Variants in PCDHA9 observed in about 807,000 individuals in gnomAD.
PCDHA9 encodes protocadherin alpha-9.
PCDHA9 carries 62 observed loss-of-function variants against 62.0 expected under a neutral mutation model. The ratio of observed to expected loss-of-function variants is 1.00; its 90% CI spans 0.81 to 1.23. PCDHA9 has a LOEUF of 1.23. PCDHA9 is among the 50% of genes most tolerant of loss of function. The pLI is 0.00. For missense variants in PCDHA9, 1,205 were observed against 1,249.8 expected, an observed-to-expected ratio of 0.96 and a Z score of 0.54; for synonymous variants, 557 against 567.6, an observed-to-expected ratio of 0.98 and a Z score of 0.27.
intron 1 of PCDHA9, among the ~76,000 whole-genome samples, chr5:140,922,269 T>C (rs782114145): frequency 1.3e-5 from 2 of 152,214 alleles, no homozygotes; most frequent in Non-Finnish European, 2.9e-5. Context: ...GCCATGAAGA[T>C]TGGACCAAGA....
chr5:140,944,744 A>G (rs1408016136), intron 1 of PCDHA9, among the ~76,000 whole-genome samples: 2 of 152,204 alleles, frequency 1.3e-5, no homozygotes, highest in East Asian at 3.8e-4. Context: ...CTGAGCATTT[A>G]CATGGAAAAA....
In PCDHA9 at chr5:140,862,417, T is replaced by G. The variant is rs77196804; in HGVS notation, c.2394+11528T>G. ...GCTGGTGTCTACCTTCAAAAGGCGCTGCCCAGAAACTATTCGTTGGTACTC... is the reference window on the plus strand; with the variant it reads ...GCTGGTGTCTACCTTCAAAAGGCGCGGCCCAGAAACTATTCGTTGGTACTC... On this transcript the variant is annotated intron_variant, in intron 1 of 3. Coordinates refer to ENST00000532602, the MANE Select transcript of PCDHA9 (RefSeq NM_031857.2). 1.4e-3 allele frequency: 485 copies of G among 351,378 alleles called. 3 individuals are homozygous for G. Among genetic ancestry groups the G allele is most frequent in the African/African-American group, 9.6e-3 (451 of 46,736 alleles). 21.8% of individuals were successfully genotyped at this position (351,378 alleles called of 1,614,324 possible).
chr5:140,946,156 T>G (rs138161459), intron 1 of PCDHA9, among the ~76,000 whole-genome samples: 1 of 151,944 alleles, frequency 6.6e-6, no homozygotes, highest in Non-Finnish European at 1.5e-5. Flanking sequence ...TAACACGATT[T>G]AAAAGATGGG....
In PCDHA9 at chr5:140,978,986, C is replaced by T. The variant is rs138901709; in HGVS notation, c.2432C>T (p.Ser811Phe). The change falls in exon 2 of 4, where the codon TCC (serine) becomes TTC (phenylalanine). Residue 811 changes from serine (S) to phenylalanine (F), a missense_variant. Physicochemically the swap from Ser to Phe is radical, Grantham distance 155. Transcript: ENST00000532602. ...AACCCTGACTGGCGTTACTCTGCCT[C>T]CCTGAGAGCAGGCATGCACAGGTAT... Reference protein sequence around the residue: ...QPNPDWRYSASLRAGMHSSVH... With the variant: ...QPNPDWRYSAFLRAGMHSSVH... 56 of 1,614,072 alleles carry T rather than the reference C, an allele frequency of 3.5e-5. No individual in the cohort carries two copies. The highest frequency in any genetic ancestry group is 4.5e-5 in the Non-Finnish European group (53 of 1,180,028).
chr5:140,868,792 CCATAAATAAG>C (rs2050654448), intron 1 of PCDHA9: 1 of 326,666 alleles, frequency 3.1e-6, no homozygotes, highest in African/African-American at 2.1e-5. Flanking sequence ...TCTGAATATT[CCATAAATAAG>C]CACGTTGGAA....
chr5:140,870,118 A>C, intron 1 of PCDHA9: 1 of 1,613,892 alleles, frequency 6.2e-7, no homozygotes, highest in Non-Finnish European at 8.5e-7. Context: ...CTGGGTGGAA[A>C]TCTTGGACAC....
At chr5:140,888,544 C>T (rs1295573540) in intron 1 of PCDHA9, among the ~76,000 whole-genome samples, 1 of 152,140 alleles carries the variant, frequency 6.6e-6, no homozygotes, top group Non-Finnish European at 1.5e-5. Flanking sequence ...TGCTCAGTAC[C>T]AATTTATTCC....
At chr5:140,876,033 T>A in intron 1 of PCDHA9, 1 of 1,613,668 alleles carries the variant, frequency 6.2e-7, no homozygotes, top group South Asian at 1.1e-5. Context: ...CAAAAAAAGA[T>A]AAAAGTATAT....
At chr5:140,870,512 G>A in intron 1 of PCDHA9, 1 of 1,614,224 alleles carries the variant, frequency 6.2e-7, no homozygotes, top group Non-Finnish European at 8.5e-7. Flanking sequence ...AACCCACCAG[G>A]CTGCCACATC....
chr5:140,977,864 GGTAAGTATAAT>G (rs1175044090), intron 1 of PCDHA9, among the ~76,000 whole-genome samples: 1 of 152,140 alleles, frequency 6.6e-6, no homozygotes, highest in Non-Finnish European at 1.5e-5. Context: ...TACCAAATAT[GGTAAGTATAAT>G]GTAGAGGAAA....
Position 140,881,024 on chromosome 5 carries a change from A to G in PCDHA9, c.2394+30135A>G, listed in dbSNP as rs1330072249. Among the ~76,000 whole-genome samples the G allele has an allele frequency of 1.1e-4, 17 of 152,246 alleles. 1 individual carries two copies. Among genetic ancestry groups the G allele is most frequent in the Admixed American group, 5.2e-4 (8 of 15,290 alleles). ...GAGCAGAGCTATGGAAATAAACCCA[A>G]CAGTCATTTCCTATAGAGTTGTGCA... On this transcript the variant is annotated intron_variant, in intron 1 of 3. Coordinates refer to ENST00000532602, the MANE Select transcript of PCDHA9 (RefSeq NM_031857.2).
At chr5:140,890,136 T>C (rs1297709763) in intron 1 of PCDHA9, among the ~76,000 whole-genome samples, 4 of 152,148 alleles carry the variant, frequency 2.6e-5, no homozygotes, top group Non-Finnish European at 4.4e-5. Flanking sequence ...TAGCTTGAAA[T>C]TGGCCATGGT....
At chr5:140,861,094 C>G (rs1554154151) in intron 1 of PCDHA9, 1 of 152,400 alleles carries the variant, frequency 6.6e-6, no homozygotes, top group African/African-American at 2.4e-5. Context: ...CTCCATTGTT[C>G]CTGTACTTTA....
intron 3 of PCDHA9, among the ~76,000 whole-genome samples, chr5:140,993,190 CTCACTAAAGCTAATTTTTT>C (rs2097544277): frequency 6.6e-6 from 1 of 152,022 alleles, no homozygotes; most frequent in Non-Finnish European, 1.5e-5. Flanking sequence ...TAGAGGGAAA[CTCACTAAAGCTAATTTTTT>C]TAGCTTTTTG....
intron 2 of PCDHA9, chr5:140,982,255 G>A (rs1226877967): frequency 1.6e-5 from 13 of 791,614 alleles, no homozygotes; most frequent in South Asian, 1.3e-4. Context: ...GATAGAACAT[G>A]TGTGTTCCTG....
intron 1 of PCDHA9, chr5:140,858,085 G>T: frequency 6.3e-7 from 1 of 1,597,828 alleles, no homozygotes; most frequent in South Asian, 1.1e-5. Context: ...AGGCCTCGTC[G>T]CGGGCTTCAG....
intron 1 of PCDHA9, among the ~76,000 whole-genome samples, chr5:140,941,941 T>G (rs1461291615): frequency 1.3e-5 from 2 of 152,246 alleles, no homozygotes; most frequent in Admixed American, 1.3e-4. Context: ...TGAATTACTT[T>G]TGTTTTGAAA....
At chr5:141,006,035 G>T (rs529655038) in intron 3 of PCDHA9, among the ~76,000 whole-genome samples, 7 of 151,222 alleles carry the variant, frequency 4.6e-5, no homozygotes, top group Admixed American at 2.0e-4. Flanking sequence ...GTAAGAGGGA[G>T]ATTTGTAGAT....
intron 1 of PCDHA9, chr5:140,968,133 A>G (rs782213191): frequency 1.5e-5 from 24 of 1,614,022 alleles, no homozygotes; most frequent in Middle Eastern, 3.3e-4. Flanking sequence ...CGTACACTGA[A>G]GGTTGAGATC....
Sources: allele counts gnomAD v4.1 joint callset (sites outside exome capture counted in the v4.1 genomes callset), GRCh38; gene constraint gnomAD v4.1.1; transcripts MANE v1.5; gene names NCBI Gene and HGNC (gene_info 2026-07-23, HGNC 2026-07-21).